The following SHISA6 variants were observed in gnomAD, a reference collection of about 807,000 sequenced individuals.
SHISA6 encodes the protein protein shisa-6.
Under a neutral mutation model 47.9 loss-of-function variants are expected in SHISA6, and 22 were observed. The ratio of observed to expected loss-of-function variants is 0.46; its 90% CI spans 0.33 to 0.66. The LOEUF (loss-of-function observed/expected upper bound fraction) is 0.66, where lower values mean the gene tolerates loss of function less well. Among genes scored for constraint, SHISA6 ranks in the 30% least tolerant of loss-of-function variants. The pLI is 0.02. For synonymous variants in SHISA6, 388 were observed against 337.8 expected (o/e 1.15, Z -1.63); for missense variants, 680 against 764.6 (o/e 0.89, Z 1.30).
At chr17:11,398,567 C>T (rs1040905146) in intron 3 of SHISA6, among the ~76,000 whole-genome samples, 8 of 151,902 alleles carry the variant, frequency 5.3e-5, no homozygotes, top group East Asian at 3.9e-4. Flanking sequence ...TTCCGCATTC[C>T]GACAGTAGGT....
intron 2 of SHISA6, among the ~76,000 whole-genome samples, chr17:11,303,641 G>C (rs11657576): frequency 0.36 from 54,555 of 152,012 alleles, 10,972 homozygotes; most frequent in Non-Finnish European, 0.46. Flanking sequence ...GCTGAGCCTG[G>C]GGAGCCATCT....
intron 2 of SHISA6, among the ~76,000 whole-genome samples, chr17:11,293,948 C>T (rs1597444252): frequency 6.6e-6 from 1 of 152,206 alleles, no homozygotes; most frequent in South Asian, 2.1e-4. Flanking sequence ...TGCAGTGGCA[C>T]AATCTCGGCT....
intron 3 of SHISA6, among the ~76,000 whole-genome samples, chr17:11,422,557 G>A (rs1255210122): frequency 6.6e-6 from 1 of 152,184 alleles, no homozygotes; most frequent in Non-Finnish European, 1.5e-5. Context: ...TTTGAGACCA[G>A]CCTGGCCAAC....
intron 2 of SHISA6, among the ~76,000 whole-genome samples, chr17:11,266,987 G>A (rs1908448319): frequency 6.6e-6 from 1 of 152,216 alleles, no homozygotes; most frequent in Non-Finnish European, 1.5e-5. Flanking sequence ...ACCATAGATT[G>A]AGAACTTACT....
intron 3 of SHISA6, among the ~76,000 whole-genome samples, chr17:11,405,290 G>A (rs1913914343): frequency 6.6e-6 from 1 of 152,138 alleles, no homozygotes; most frequent in Non-Finnish European, 1.5e-5. Flanking sequence ...CCCCTGAGAT[G>A]TAGCATTTCT....
Position 11,554,586 on chromosome 17 carries a change from C to G in SHISA6, c.953-1154C>G, listed in dbSNP as rs147537061. Among the ~76,000 whole-genome samples, 33 of 152,242 alleles carry G rather than the reference C, an allele frequency of 2.2e-4. No individual in the cohort carries two copies. The East Asian group carries it at 5.8e-3, about 27-fold the overall frequency. The stretch of plus-strand genomic sequence containing the variant: ...CATTCGACCGAAGTTAGAGCCTGCC[C>G]CCTCTCAGAAATTCTTTGGCCTTGA... On this transcript the variant is annotated intron_variant, in intron 4 of 5. Transcript: ENST00000441885.
chr17:11,420,833 C>T (rs971193458), intron 3 of SHISA6, among the ~76,000 whole-genome samples: 3 of 152,234 alleles, frequency 2.0e-5, no homozygotes, highest in African/African-American at 4.8e-5. Flanking sequence ...TACCTGCCTA[C>T]ACTCTGGTTA....
intron 2 of SHISA6, among the ~76,000 whole-genome samples, chr17:11,363,487 G>A (rs535510706): frequency 9.0e-4 from 137 of 152,100 alleles, no homozygotes; most frequent in Non-Finnish European, 1.4e-3. Flanking sequence ...AGTAAATATT[G>A]GTGGTTTCTA....
intron 2 of SHISA6, among the ~76,000 whole-genome samples, chr17:11,292,701 G>C (rs1036663121): frequency 6.6e-6 from 1 of 151,922 alleles, no homozygotes; most frequent in Non-Finnish European, 1.5e-5. Context: ...AGGGGGTGCA[G>C]AAAGCAAGGA....
At chr17:11,544,758 C>T (rs540293826) in intron 3 of SHISA6, among the ~76,000 whole-genome samples, 198 of 151,900 alleles carry the variant, frequency 1.3e-3, no homozygotes, top group Non-Finnish European at 2.0e-3. Flanking sequence ...CAGGAGATTG[C>T]GACCATCCTG....
intron 3 of SHISA6, among the ~76,000 whole-genome samples, chr17:11,393,448 C>T (rs1310689393): frequency 6.6e-6 from 1 of 152,156 alleles, no homozygotes; most frequent in Non-Finnish European, 1.5e-5. Context: ...ACCCTTCACC[C>T]ACATCCTGTC....
At chr17:11,556,763 T>A (rs539943872) in intron 5 of SHISA6, among the ~76,000 whole-genome samples, 12 of 152,172 alleles carry the variant, frequency 7.9e-5, no homozygotes, top group Admixed American at 5.2e-4. Flanking sequence ...AGGATACCCA[T>A]CAACGACCCC....
chr17:11,448,241 G>A (rs554445463), intron 3 of SHISA6, among the ~76,000 whole-genome samples: 11 of 151,992 alleles, frequency 7.2e-5, no homozygotes, highest in Admixed American at 4.6e-4. Flanking sequence ...CTTTTAAAAC[G>A]ATAAAGAGGC....
At chr17:11,418,948 T>A (rs1567600812) in intron 3 of SHISA6, among the ~76,000 whole-genome samples, 2 of 152,094 alleles carry the variant, frequency 1.3e-5, no homozygotes, top group African/African-American at 4.8e-5. Context: ...TGGCGCTAAC[T>A]GAGAAACTAA....
At chr17:11,398,497 T>C (rs148528441) in intron 3 of SHISA6, among the ~76,000 whole-genome samples, 1 of 152,318 alleles carries the variant, frequency 6.6e-6, no homozygotes, top group African/African-American at 2.4e-5. Context: ...TTGAGTTGCA[T>C]GTAATCAATA....
At chr17:11,264,014 G>T (rs1401544642) in intron 2 of SHISA6, among the ~76,000 whole-genome samples, 1 of 152,102 alleles carries the variant, frequency 6.6e-6, no homozygotes, top group African/African-American at 2.4e-5. Context: ...AGATTCCCTG[G>T]ATGTATGATG....
At chr17:11,252,590 C>T (rs1309019475) in intron 1 of SHISA6, among the ~76,000 whole-genome samples, 2 of 152,136 alleles carry the variant, frequency 1.3e-5, no homozygotes, top group Non-Finnish European at 2.9e-5. Flanking sequence ...TGGATCTTTG[C>T]TAGGAGTCAG....
Position 11,303,591 on chromosome 17 carries a change from C to A in SHISA6, c.799+40065C>A, listed in dbSNP as rs578158313. Among the ~76,000 whole-genome samples the A allele has an allele frequency of 4.6e-5, 7 of 152,090 alleles. No homozygotes were observed. The South Asian group carries it at 1.5e-3, about 32-fold the overall frequency. ...TGCCATGAGGTGACGGGATTTTTTA[C>A]CTGTAGGAGAGCCACACAGAAAAAG... On this transcript the variant is annotated intron_variant, in intron 2 of 5. Coordinates refer to ENST00000441885, the MANE Select transcript of SHISA6 (RefSeq NM_207386.4).
intron 1 of SHISA6, among the ~76,000 whole-genome samples, chr17:11,258,389 C>T (rs1908095536): frequency 6.6e-6 from 1 of 152,136 alleles, no homozygotes; most frequent in African/African-American, 2.4e-5. Context: ...TCATGGGGTC[C>T]TCATGGAGGG....
Sources: allele counts gnomAD v4.1 joint callset (sites outside exome capture counted in the v4.1 genomes callset), GRCh38; gene constraint gnomAD v4.1.1; transcripts MANE v1.5; gene names NCBI Gene and HGNC (gene_info 2026-07-23, HGNC 2026-07-21).